FYB2: variants seen among roughly 807,000 people sequenced by gnomAD.
FYB2 encodes FYN-binding protein 2.
Under a neutral mutation model 94.1 loss-of-function variants are expected in FYB2, and 103 were observed. That is an observed-to-expected ratio of 1.09 (90% CI 0.93 to 1.29). The LOEUF is 1.29. FYB2 is among the 50% of genes most tolerant of loss of function. The pLI, the probability that FYB2 is intolerant of heterozygous loss-of-function variation, is 0.00. For synonymous variants in FYB2, 293 were observed against 287.9 expected, an observed-to-expected ratio of 1.02 and a Z score of -0.18; for missense variants, 896 against 841.5, an observed-to-expected ratio of 1.06 and a Z score of -0.80.
chr1:56,757,735 ATTCTTTCT>A (rs1417490380), intron 6 of FYB2, among the ~76,000 whole-genome samples: 1 of 100,142 alleles, frequency 1.0e-5, no homozygotes, highest in African/African-American at 3.5e-5. Flanking sequence ...TCTTTCTTTC[ATTCTTTCT>A]TTCTTTCTTT....
intron 1 of FYB2, among the ~76,000 whole-genome samples, chr1:56,815,414 T>C (rs1570264539): frequency 6.6e-6 from 1 of 152,204 alleles, no homozygotes; most frequent in East Asian, 1.9e-4. Context: ...AATATGAAAA[T>C]TGTCTGTTTC....
intron 4 of FYB2, among the ~76,000 whole-genome samples, chr1:56,781,807 A>G (rs1570129149): frequency 6.6e-6 from 1 of 152,314 alleles, no homozygotes; most frequent in Non-Finnish European, 1.5e-5. Flanking sequence ...TCCTGAGCTC[A>G]CTGCACTTTA....
chr1:56,795,344 T>A (rs1646371355), intron 1 of FYB2, among the ~76,000 whole-genome samples: 1 of 152,176 alleles, frequency 6.6e-6, no homozygotes, highest in African/African-American at 2.4e-5. Flanking sequence ...TATATCATAG[T>A]GTATATATAA....
intron 12 of FYB2, 26 bp downstream of exon 12, chr1:56,742,135 C>A (rs1467477585): frequency 1.3e-6 from 2 of 1,589,470 alleles, no homozygotes; most frequent in Admixed American, 1.7e-5. Flanking sequence ...CATTAGCCTA[C>A]AAAGCCAAGA....
chr1:56,821,129 G>A (rs903072861), upstream of FYB2, among the ~76,000 whole-genome samples: 5 of 152,206 alleles, frequency 3.3e-5, no homozygotes, highest in African/African-American at 1.2e-4. Context: ...AAACAGTGGA[G>A]GAAGCTCTCG....
intron 13 of FYB2, among the ~76,000 whole-genome samples, chr1:56,739,947 G>T (rs1216763964): frequency 1.3e-5 from 2 of 151,986 alleles, no homozygotes; most frequent in African/African-American, 4.8e-5. Context: ...ATAAATTGAG[G>T]TGCACCTGAA....
intron 6 of FYB2, among the ~76,000 whole-genome samples, chr1:56,758,402 A>G (rs1645409554): frequency 1.3e-5 from 2 of 152,096 alleles, no homozygotes; most frequent in South Asian, 4.2e-4. Context: ...GCCAGGATAT[A>G]CAAACCTGGA....
chr1:56,770,052 C>T (rs542115250), intron 4 of FYB2, among the ~76,000 whole-genome samples: 3 of 152,062 alleles, frequency 2.0e-5, no homozygotes, highest in African/African-American at 4.8e-5. Flanking sequence ...AGGGTACACA[C>T]GAATGCGTAT....
At chr1:56,753,157 T>C (rs1289873476) in intron 8 of FYB2, among the ~76,000 whole-genome samples, 3 of 152,056 alleles carry the variant, frequency 2.0e-5, no homozygotes, top group Non-Finnish European at 2.9e-5. Context: ...TCTTAAAAGA[T>C]AGGCACATCT....
chr1:56,791,890 A>C (rs187957498), intron 2 of FYB2, among the ~76,000 whole-genome samples, 166 bp downstream of exon 2: 1 of 152,324 alleles, frequency 6.6e-6, no homozygotes, highest in East Asian at 1.9e-4. Flanking sequence ...CACTTTACTC[A>C]AACCCGAGGT....
intron 1 of FYB2, among the ~76,000 whole-genome samples, chr1:56,802,801 C>T (rs2101035154): frequency 6.6e-6 from 1 of 152,026 alleles, no homozygotes; most frequent in East Asian, 1.9e-4. Context: ...TTCTTGTCTG[C>T]ATGTGCCTAC....
chr1:56,732,599 T>C (rs1190629350), intron 15 of FYB2, among the ~76,000 whole-genome samples: 1 of 152,034 alleles, frequency 6.6e-6, no homozygotes, highest in Admixed American at 6.6e-5. Flanking sequence ...GCTCTAGTAA[T>C]CAAAACAGCA....
intron 14 of FYB2, 60 bp downstream of exon 14, chr1:56,738,565 C>G: frequency 1.3e-6 from 2 of 1,492,904 alleles, no homozygotes; most frequent in African/African-American, 2.8e-5. Flanking sequence ...TTCTCTTTCC[C>G]TGCCTCTGAA....
At chr1:56,771,713 A>G (rs1345553458) in intron 4 of FYB2, among the ~76,000 whole-genome samples, 1 of 152,192 alleles carries the variant, frequency 6.6e-6, no homozygotes, top group African/African-American at 2.4e-5. Flanking sequence ...AAGAGAAAAA[A>G]TTACACATAA....
At chr1:56,763,655 A>C (rs1309497405) in intron 5 of FYB2, among the ~76,000 whole-genome samples, 1 of 151,480 alleles carries the variant, frequency 6.6e-6, no homozygotes, top group East Asian at 1.9e-4. Flanking sequence ...CCTTGCTAGA[A>C]GTTTATCTAT....
At chr1:56,738,771 T>C in intron 13 of FYB2, 118 bp from the exon 14 acceptor site, 1 of 1,002,126 alleles carries the variant, frequency 1.0e-6, no homozygotes, top group Non-Finnish European at 1.5e-6. Flanking sequence ...GCCCTGGTAT[T>C]CTCTGACTCC....
At chr1:56,815,356 T>C (rs1646859462) in intron 1 of FYB2, among the ~76,000 whole-genome samples, 1 of 152,196 alleles carries the variant, frequency 6.6e-6, no homozygotes, top group South Asian at 2.1e-4. Context: ...CCATACTCAG[T>C]GCTTCCATCA....
intron 1 of FYB2, among the ~76,000 whole-genome samples, chr1:56,796,757 C>T (rs1158948213): frequency 1.5e-4 from 23 of 152,150 alleles, no homozygotes; most frequent in Admixed American, 1.5e-3. Flanking sequence ...TGACATTCTC[C>T]CAAACCTGTT....
chr1:56,733,749 C>A (rs1031744133), intron 15 of FYB2, among the ~76,000 whole-genome samples: 1 of 152,130 alleles, frequency 6.6e-6, no homozygotes, highest in East Asian at 1.9e-4. Flanking sequence ...ATCCTGAGTT[C>A]TAATTTGATT....
Sources: gnomAD v4.1 joint callset for allele counts (sites outside exome capture counted in the v4.1 genomes callset) on GRCh38, gnomAD v4.1.1 for gene constraint, MANE v1.5 for transcripts, NCBI Gene and HGNC (gene_info 2026-07-23, HGNC 2026-07-21) for gene names.